The following GTF2F2 variants were observed in gnomAD, a reference collection of about 807,000 sequenced individuals.
The protein encoded by GTF2F2 is ATP-dependent helicase GTF2F2.
GTF2F2 carries 23 observed loss-of-function variants against 42.2 expected under a neutral mutation model. The ratio of observed to expected loss-of-function variants is 0.55; its 90% confidence interval spans 0.39 to 0.77. GTF2F2 has a LOEUF of 0.77. Among genes scored for constraint, GTF2F2 ranks in the 30% least tolerant of loss-of-function variants. The pLI, the probability that GTF2F2 is intolerant of heterozygous loss-of-function variation, is 0.00. For synonymous variants in GTF2F2, 105 were observed against 100.8 expected (o/e 1.04, Z -0.25); for missense variants, 261 against 287.2 (o/e 0.91, Z 0.66).
chr13:45,191,224 AATAT>A lies in GTF2F2; in HGVS notation c.305-16172_305-16169del, dbSNP rs1165963910. Reference sequence around the variant, plus strand: ...GTCTCTACTAAAAATACAAAAAAAAAATATATATATATATATATATATATATATA... The same window carrying A: ...GTCTCTACTAAAAATACAAAAAAAAAATATATATATATATATATATATATA... On this transcript the variant is annotated intron_variant, in intron 4 of 7. Coordinates refer to ENST00000340473, the MANE Select transcript of GTF2F2 (RefSeq NM_004128.3). Among the ~76,000 whole-genome samples the A allele has an allele frequency of 2.0e-3, 148 of 75,316 alleles. 2 individuals carry two copies. The highest frequency in any genetic ancestry group is 7.3e-3 in the African/African-American group (73 of 10,006). 49.4% of individuals were successfully genotyped at this position (75,316 alleles called of 152,430 possible).
chr13:45,127,679 T>TG (rs939408443), intron 1 of GTF2F2, among the ~76,000 whole-genome samples: 4 of 151,874 alleles, frequency 2.6e-5, no homozygotes, highest in Non-Finnish European at 5.9e-5. Flanking sequence ...TCGCCCAGGC[T>TG]GGGCGTGCAG....
intron 1 of GTF2F2, among the ~76,000 whole-genome samples, chr13:45,132,390 G>A (rs545886257): frequency 6.6e-6 from 1 of 151,182 alleles, no homozygotes; most frequent in East Asian, 1.9e-4. Context: ...GGACTTAAGA[G>A]TCCAAGTTCC....
intron 7 of GTF2F2, among the ~76,000 whole-genome samples, chr13:45,269,343 T>C (rs1463070589): frequency 4.6e-5 from 7 of 152,136 alleles, no homozygotes; most frequent in Admixed American, 2.0e-4. Flanking sequence ...TATAGTGAGG[T>C]TGGGGCAAAG....
At chr13:45,244,316 T>C (rs1468503022) in intron 5 of GTF2F2, among the ~76,000 whole-genome samples, 1 of 152,208 alleles carries the variant, frequency 6.6e-6, no homozygotes, top group Non-Finnish European at 1.5e-5. Flanking sequence ...GAACCCTAGA[T>C]TGAAAAGAGA....
intron 4 of GTF2F2, among the ~76,000 whole-genome samples, chr13:45,165,806 CTTTTTTTTTTTTTT>C (rs5803286): frequency 1.1e-5 from 1 of 88,888 alleles, no homozygotes; most frequent in South Asian, 3.8e-4. Context: ...TCAGTACATT[CTTTTTTTTTTTTTT>C]TTTTTTTTTT....
intron 4 of GTF2F2, among the ~76,000 whole-genome samples, chr13:45,204,191 A>G (rs1196547582): frequency 6.6e-6 from 1 of 152,156 alleles, no homozygotes; most frequent in Non-Finnish European, 1.5e-5. Flanking sequence ...TATTTATGGT[A>G]TATAACGTGA....
intron 1 of GTF2F2, among the ~76,000 whole-genome samples, chr13:45,121,093 A>G (rs991662225): frequency 1.3e-5 from 2 of 152,164 alleles, no homozygotes; most frequent in Non-Finnish European, 2.9e-5. Context: ...AGGTAGTTGA[A>G]TGTCTACTTT....
At chr13:45,140,721 A>G (rs148261870) in intron 2 of GTF2F2, among the ~76,000 whole-genome samples, 1 of 152,324 alleles carries the variant, frequency 6.6e-6, no homozygotes, top group African/African-American at 2.4e-5. Flanking sequence ...TAATGTACAT[A>G]ATTAGCTACT....
At chr13:45,143,629 C>T (rs1221862059) in intron 2 of GTF2F2, among the ~76,000 whole-genome samples, 1 of 152,150 alleles carries the variant, frequency 6.6e-6, no homozygotes, top group Non-Finnish European at 1.5e-5. Context: ...CAGCAGCTTG[C>T]TGTGTGTCGC....
At chr13:45,231,783 A>G (rs989861230) in intron 5 of GTF2F2, among the ~76,000 whole-genome samples, 13 of 152,174 alleles carry the variant, frequency 8.5e-5, no homozygotes, top group Non-Finnish European at 1.8e-4. Context: ...TTTTCTCTGA[A>G]TCCCAGCTCA....
chr13:45,212,530 CTT>C (rs980248619), intron 5 of GTF2F2, among the ~76,000 whole-genome samples: 1 of 121,666 alleles, frequency 8.2e-6, no homozygotes, highest in African/African-American at 3.2e-5. Flanking sequence ...CTCTTTCTCT[CTT>C]TCTCACTTTC....
chr13:45,184,804 A>G (rs752281762), intron 4 of GTF2F2, among the ~76,000 whole-genome samples: 2 of 152,040 alleles, frequency 1.3e-5, no homozygotes, highest in Non-Finnish European at 1.5e-5. Context: ...ATTTTATACA[A>G]GCACAAGGTT....
intron 4 of GTF2F2, among the ~76,000 whole-genome samples, chr13:45,184,508 C>T (rs1165730089): frequency 6.6e-6 from 1 of 151,774 alleles, no homozygotes; most frequent in Non-Finnish European, 1.5e-5. Context: ...CCCACTTCGA[C>T]CTCCCCAAGT....
chr13:45,151,877 A>C lies in GTF2F2; in HGVS notation c.304+46A>C, dbSNP rs756627679. 3 of 583,290 alleles carry C rather than the reference A, an allele frequency of 5.1e-6. No homozygotes were observed. The Admixed American group carries it at 9.9e-5, about 19-fold the overall frequency. The allele number at this position is 583,290 out of a possible 1,614,324, so 36.1% of individuals were successfully genotyped here. On this transcript the variant is annotated intron_variant, in intron 4 of 7. Transcript: ENST00000340473. ...TTAATGTGATTCCTGTACATTTTGTATAGATTTTCTGTCTCAACATACACT... is the reference window on the plus strand; with the variant it reads ...TTAATGTGATTCCTGTACATTTTGTCTAGATTTTCTGTCTCAACATACACT...
intron 5 of GTF2F2, among the ~76,000 whole-genome samples, chr13:45,209,056 A>G (rs914534413): frequency 6.6e-6 from 1 of 152,208 alleles, no homozygotes; most frequent in Non-Finnish European, 1.5e-5. Context: ...AAGATTTCTG[A>G]TGATGAGATC....
intron 4 of GTF2F2, among the ~76,000 whole-genome samples, chr13:45,157,754 G>GT (rs961417385): frequency 6.6e-4 from 99 of 150,252 alleles, no homozygotes; most frequent in Non-Finnish European, 1.0e-3. Context: ...TTATTTTTTT[G>GT]TTTTTTTTTG....
At chr13:45,215,943 G>C (rs1873868517) in intron 5 of GTF2F2, among the ~76,000 whole-genome samples, 1 of 152,032 alleles carries the variant, frequency 6.6e-6, no homozygotes, top group African/African-American at 2.4e-5. Context: ...GGTTGTAAAA[G>C]CTCTTGGGAA....
At chr13:45,228,281 A>ATTTTTTTTTTTTTTTTTTTTTTT (rs1874467229) in intron 5 of GTF2F2, among the ~76,000 whole-genome samples, 1 of 85,680 alleles carries the variant, frequency 1.2e-5, no homozygotes, top group Non-Finnish European at 2.1e-5. Flanking sequence ...GCCAGAGTTA[A>ATTTTTTTTTTTTTTTTTTTTTTT]TCTTTTTTTT....
chr13:45,257,719 T>G (rs1876160884), intron 6 of GTF2F2, among the ~76,000 whole-genome samples: 1 of 152,174 alleles, frequency 6.6e-6, no homozygotes, highest in African/African-American at 2.4e-5. Context: ...GTATCTTGTT[T>G]GGCACCTAGT....
Sources: gnomAD v4.1 joint callset for allele counts (sites outside exome capture counted in the v4.1 genomes callset) on GRCh38, gnomAD v4.1.1 for gene constraint, MANE v1.5 for transcripts, NCBI Gene and HGNC (gene_info 2026-07-23, HGNC 2026-07-21) for gene names.